POLR3C: variants seen among roughly 807,000 people sequenced by gnomAD.
The protein encoded by POLR3C is RNA polymerase III subunit C.
POLR3C carries 44 observed loss-of-function variants against 65.9 expected under a neutral mutation model. The observed-to-expected ratio is 0.67, with a 90% CI of 0.52 to 0.86. The LOEUF (loss-of-function observed/expected upper bound fraction) is 0.86, where lower values mean the gene tolerates loss of function less well. Among genes scored for constraint, POLR3C ranks in the 40% least tolerant of loss-of-function variants. The pLI, the probability that POLR3C is intolerant of heterozygous loss-of-function variation, is 0.00. For synonymous variants in POLR3C, 263 were observed against 231.6 expected (o/e 1.14, Z -1.23); for missense variants, 576 against 653.2 (o/e 0.88, Z 1.29).
intron 7 of POLR3C, 37 bp from the exon 8 acceptor site, chr1:145,836,457 G>C: frequency 3.3e-6 from 4 of 1,206,968 alleles, no homozygotes; most frequent in Non-Finnish European, 4.9e-6. Flanking sequence ...GGAGTTCTAA[G>C]TTCCCAAACC....
chr1:145,839,939 A>G lies in POLR3C; in HGVS notation c.1271A>G (p.Tyr424Cys), dbSNP rs1354513132. 1.9e-6 allele frequency: 3 copies of G among 1,612,466 alleles called. No individual in the cohort carries two copies. The highest frequency in any genetic ancestry group is 1.3e-5 in the African/African-American group (1 of 74,870). ...GCCCCATCCAGGACCTTCTATTTAT[A>G]TACTGTGAACATCCTGTCAGCTGCC... ...DHAPSRTFYL[Y>C]TVNILSAARM... is the part of the protein sequence containing the mutation. The change falls in exon 12 of 15, where the codon TAT becomes TGT. Residue 424 changes from tyrosine to cysteine, a missense_variant. Tyr to Cys is a radical substitution (Grantham distance 194). Transcript: ENST00000334163.
chr1:145,829,734 A>G (rs1320646311), intron 5 of POLR3C, among the ~76,000 whole-genome samples: 1 of 152,102 alleles, frequency 6.6e-6, no homozygotes, highest in Non-Finnish European at 1.5e-5. Context: ...TTATCTCTTA[A>G]ACATGTCAAA....
chr1:145,835,646 C>T (rs1286738393), intron 7 of POLR3C, among the ~76,000 whole-genome samples: 3 of 151,968 alleles, frequency 2.0e-5, no homozygotes, highest in African/African-American at 7.3e-5. Flanking sequence ...GCAATCTCAG[C>T]TCACTGCAAC....
rs1353829349 is a variant in POLR3C, at chr1:145,843,994, CT to C, written c.*1578del. ...GATAACATCTCACCCCAATTCATTA[CT>C]TTTATCAAGAAGAAAGAATGAATGC... On this transcript the variant is annotated 3_prime_UTR_variant, in exon 15 of 15. Coordinates refer to ENST00000334163, the MANE Select transcript of POLR3C (RefSeq NM_006468.8). Among the ~76,000 whole-genome samples the C allele has an allele frequency of 6.6e-6, 1 of 152,108 alleles. No homozygotes were observed.
At chr1:145,839,688 G>A (rs887973623) in intron 11 of POLR3C, 15 of 509,836 alleles carry the variant, frequency 2.9e-5, no homozygotes, top group Admixed American at 1.7e-4. Context: ...CTGATATCAT[G>A]CCACCGCACT....
At chr1:145,835,957 C>T (rs996950335) in intron 7 of POLR3C, among the ~76,000 whole-genome samples, 4 of 152,084 alleles carry the variant, frequency 2.6e-5, no homozygotes, top group African/African-American at 2.4e-5. Flanking sequence ...GTAGATTTGT[C>T]TCACTCTTCA....
At chr1:145,840,636 C>T (rs1303157015) in intron 13 of POLR3C, among the ~76,000 whole-genome samples, 4 of 152,120 alleles carry the variant, frequency 2.6e-5, no homozygotes, top group Non-Finnish European at 4.4e-5. Flanking sequence ...GTAAATCATG[C>T]ATTAGTCTAC....
chr1:145,837,665 T>A, intron 10 of POLR3C, 69 bp downstream of exon 10: 1 of 1,020,270 alleles, frequency 9.8e-7, no homozygotes, highest in Non-Finnish European at 1.6e-6. Flanking sequence ...TTGATCATTA[T>A]GTAAGCCACC....
At chr1:145,842,303 A>T in intron 14 of POLR3C, 36 bp from the exon 15 acceptor site, 1 of 1,303,628 alleles carries the variant, frequency 7.7e-7, no homozygotes, top group African/African-American at 1.4e-5. Context: ...GCTAATGAAC[A>T]TTCAGTCTAG....
chr1:145,834,131 A>G (rs1185086181), intron 7 of POLR3C, among the ~76,000 whole-genome samples: 1 of 152,220 alleles, frequency 6.6e-6, no homozygotes, highest in Non-Finnish European at 1.5e-5. Context: ...CCTGTACAGC[A>G]TGTTACTGTA....
chr1:145,838,748 C>G (rs1031223277), intron 11 of POLR3C, among the ~76,000 whole-genome samples: 22 of 152,006 alleles, frequency 1.4e-4, no homozygotes, highest in Admixed American at 1.4e-3. Flanking sequence ...CCAAACCCAC[C>G]CTGCCTTTTT....
At position 145,833,307 on chromosome 1, in the gene POLR3C, C is replaced by G. The variant is rs781919794; in HGVS notation, c.726C>G (p.Phe242Leu). 3 of 1,613,722 alleles carry G rather than the reference C, an allele frequency of 1.9e-6. No individual in the cohort carries two copies. The highest frequency in any genetic ancestry group is 1.7e-6 in the Non-Finnish European group (2 of 1,179,656). The change falls in exon 6 of 15, where the codon TTC (phenylalanine) becomes TTG (leucine). Residue 242 changes from phenylalanine to leucine, a missense_variant. Physicochemically the swap from Phe to Leu is conservative, Grantham distance 22 (BLOSUM62 0). Transcript: ENST00000334163. ...GIYWQANLDR[F>L]HQHFRDQAIV... ...ATTGGCAGGCCAACCTTGACAGATT[C>G]CACCAACACTTCCGTGACCAAGCCA...
chr1:145,826,743 A>G, intron 3 of POLR3C, 34 bp downstream of exon 3: 4 of 1,612,894 alleles, frequency 2.5e-6, no homozygotes, highest in Non-Finnish European at 3.4e-6. Context: ...TAACAAAAGC[A>G]TAGATCAGCT....
At position 145,838,290 on chromosome 1, in the gene POLR3C, C is replaced by T. The variant is rs192982522; in HGVS notation, c.1221+84C>T. 6.9e-6 allele frequency: 7 copies of T among 1,008,686 alleles called. No homozygotes were observed. In the East Asian group the frequency reaches 1.2e-4, roughly 17 times the overall value. The allele number at this position is 1,008,686 out of a possible 1,614,324, so 62.5% of individuals were successfully genotyped here. ...GCTTCTTAGGCAAACATACTGAACC[C>T]CCAAGCAAACTCTATATCCAGCTCT... On this transcript the variant is annotated intron_variant, in intron 11 of 14. Transcript: ENST00000334163.
chr1:145,834,193 T>A (rs183433109), intron 7 of POLR3C, among the ~76,000 whole-genome samples: 5 of 152,284 alleles, frequency 3.3e-5, no homozygotes, highest in East Asian at 3.9e-4. Context: ...TCTAAACATC[T>A]AATCACAGAA....
chr1:145,835,842 G>C (rs1553728429), intron 7 of POLR3C, among the ~76,000 whole-genome samples: 1 of 151,978 alleles, frequency 6.6e-6, no homozygotes, highest in East Asian at 1.9e-4. Context: ...TCAAAGTGCT[G>C]GCATTACAAA....
intron 14 of POLR3C, 142 bp downstream of exon 14, chr1:145,841,213 AT>A (rs1161246308): frequency 4.3e-6 from 3 of 700,458 alleles, no homozygotes; most frequent in Non-Finnish European, 7.4e-6. Flanking sequence ...TAATCCACCT[AT>A]TTTTGTAAAC....
chr1:145,841,076 G>A lies in POLR3C; in HGVS notation c.1523+5G>A. 1 of 1,612,710 alleles carries A rather than the reference G, an allele frequency of 6.2e-7. No homozygotes were observed. The highest frequency in any genetic ancestry group is 8.5e-7 in the Non-Finnish European group (1 of 1,178,850). On this transcript the variant is annotated splice_donor_5th_base_variant and intron_variant, in intron 14 of 14. Transcript: ENST00000334163. ...CCTGAAACGTAATGTCAACAAGTAA[G>A]CATCATAAACTTCAGACCTGCATTT...
intron 5 of POLR3C, among the ~76,000 whole-genome samples, chr1:145,829,116 A>G (rs587754375): frequency 2.8e-4 from 42 of 152,342 alleles, no homozygotes; most frequent in Middle Eastern, 6.8e-3. Flanking sequence ...AAAGACCTAC[A>G]GGGGCCAGTG....
Sources: allele counts gnomAD v4.1 joint callset (sites outside exome capture counted in the v4.1 genomes callset), GRCh38; gene constraint gnomAD v4.1.1; transcripts MANE v1.5; gene names NCBI Gene and HGNC (gene_info 2026-07-23, HGNC 2026-07-21).